Variants in TEX9 observed in about 807,000 individuals in gnomAD.
TEX9 encodes the protein testis expressed 9.
A neutral mutation model predicts 59.6 loss-of-function variants in TEX9; 74 were observed. The observed-to-expected ratio is 1.24, with a 90% CI of 1.03 to 1.51. The LOEUF is 1.51. Among genes scored for constraint, TEX9 ranks in the 40% most tolerant of loss-of-function variants. The pLI, the probability that TEX9 is intolerant of heterozygous loss-of-function variation, is 0.00. For missense variants in TEX9, 522 were observed against 447.8 expected (o/e 1.17, Z -1.49); for synonymous variants, 186 against 152.2 (o/e 1.22, Z -1.64).
chr15:56,402,793 G>C (rs1413343089), intron 9 of TEX9, among the ~76,000 whole-genome samples: 5 of 152,164 alleles, frequency 3.3e-5, no homozygotes, highest in African/African-American at 4.8e-5. Flanking sequence ...ACAAGATCAA[G>C]TCGGCTTCAT....
At chr15:56,378,184 T>C (rs1173929458) in intron 3 of TEX9, among the ~76,000 whole-genome samples, 2 of 148,256 alleles carry the variant, frequency 1.3e-5, no homozygotes, top group Non-Finnish European at 3.1e-5. Context: ...TGTAGTTTTC[T>C]TTTTTTGATG....
chr15:56,253,834 TA>T (rs372352417), intron 1 of TEX9, among the ~76,000 whole-genome samples: 2,102 of 150,870 alleles, frequency 0.014, 52 homozygotes, highest in African/African-American at 0.049. Context: ...GAAAGAACAT[TA>T]AAAAAAAATG....
At chr15:56,326,143 C>T (rs1416837733) in intron 1 of TEX9, among the ~76,000 whole-genome samples, 1 of 152,192 alleles carries the variant, frequency 6.6e-6, no homozygotes, top group Non-Finnish European at 1.5e-5. Flanking sequence ...CCTCTTTTCC[C>T]ACAAGAAATT....
At chr15:56,275,724 A>T (rs114921794) in intron 1 of TEX9, among the ~76,000 whole-genome samples, 2,068 of 152,140 alleles carry the variant, frequency 0.014, 39 homozygotes, top group African/African-American at 0.039. Flanking sequence ...ACATTCCCTT[A>T]TATTACCAAT....
At chr15:56,373,368 C>T (rs1001209935) in intron 2 of TEX9, 73 bp from the exon 3 acceptor site, 359 of 1,390,428 alleles carry the variant, frequency 2.6e-4, no homozygotes, top group Non-Finnish European at 2.9e-4. Flanking sequence ...CACTTGATAA[C>T]GTGTAATTGC....
At chr15:56,399,936 T>C (rs1225496442) in intron 9 of TEX9, among the ~76,000 whole-genome samples, 2 of 149,082 alleles carry the variant, frequency 1.3e-5, no homozygotes, top group Non-Finnish European at 3.0e-5. Context: ...AGGAATAGGA[T>C]CAACATCAAC....
At chr15:56,363,487 C>T (rs1413602989), upstream of TEX9, among the ~76,000 whole-genome samples, 9 of 151,902 alleles carry the variant, frequency 5.9e-5, no homozygotes, top group Non-Finnish European at 1.2e-4. Context: ...TTTTGATTAT[C>T]GCCATTCTAG....
intron 1 of TEX9, among the ~76,000 whole-genome samples, chr15:56,330,420 C>A (rs1216866292): frequency 6.6e-6 from 1 of 151,928 alleles, no homozygotes; most frequent in Non-Finnish European, 1.5e-5. Context: ...TACTCTTATC[C>A]TAAGTAGAAA....
At chr15:56,455,635 G>A in the TEX9 span, among the ~76,000 whole-genome samples, 239 of 152,240 alleles carry the variant, frequency 1.6e-3, 2 homozygotes, top group Middle Eastern at 0.01. Flanking sequence ...CTGTGACAAG[G>A]CTGTTCCTAA....
At chr15:56,335,292 T>G (rs2046237474) in intron 1 of TEX9, among the ~76,000 whole-genome samples, 1 of 152,134 alleles carries the variant, frequency 6.6e-6, no homozygotes, top group Non-Finnish European at 1.5e-5. Flanking sequence ...AATGTACATA[T>G]ACACAATGGA....
Position 56,394,264 on chromosome 15 carries a change from T to G in TEX9, c.654+17T>G, listed in dbSNP as rs746044167. ...AATAAAAAGGTAAGTTTTAAAAACC[T>G]CTTAAAAGGCTCTAATATTCAAAGA... On this transcript the variant is annotated intron_variant, in intron 8 of 12. Transcript: ENST00000352903. 36 of 1,576,180 alleles carry G rather than the reference T, an allele frequency of 2.3e-5. No homozygotes were observed. The highest frequency in any genetic ancestry group is 3.1e-5 in the Non-Finnish European group (36 of 1,159,686).
At chr15:56,341,608 A>G (rs2046373652) in intron 1 of TEX9, among the ~76,000 whole-genome samples, 1 of 152,112 alleles carries the variant, frequency 6.6e-6, no homozygotes, top group Non-Finnish European at 1.5e-5. Flanking sequence ...GGGAAACCCT[A>G]AAAAGAAAGA....
intron 1 of TEX9, among the ~76,000 whole-genome samples, chr15:56,355,183 CTT>C (rs1411936443): frequency 4.6e-5 from 7 of 152,160 alleles, no homozygotes; most frequent in African/African-American, 1.7e-4. Flanking sequence ...TTTTCCATAA[CTT>C]AATATTAGTG....
intron 9 of TEX9, among the ~76,000 whole-genome samples, chr15:56,405,730 A>G (rs1319049363): frequency 6.6e-6 from 1 of 152,140 alleles, no homozygotes; most frequent in Non-Finnish European, 1.5e-5. Context: ...ATATCTCTAT[A>G]CAAACAAATC....
intron 1 of TEX9, among the ~76,000 whole-genome samples, chr15:56,260,074 A>T: frequency 6.6e-6 from 1 of 152,226 alleles, no homozygotes; most frequent in South Asian, 2.1e-4. Context: ...TACAAATACA[A>T]TAGATTTTTA....
intron 9 of TEX9, among the ~76,000 whole-genome samples, chr15:56,400,944 C>T (rs748254675): frequency 1.3e-5 from 2 of 152,092 alleles, no homozygotes; most frequent in Non-Finnish European, 2.9e-5. Context: ...AGATTTTGTT[C>T]ACCACCAGGC....
At chr15:56,395,967 T>G (rs1452099339) in intron 9 of TEX9, 1 of 152,198 alleles carries the variant, frequency 6.6e-6, no homozygotes, top group Non-Finnish European at 1.5e-5. Context: ...AAGTTTTAAA[T>G]TTTGATGAAG....
rs1393179390 is a variant in TEX9, at chr15:56,431,613, T to G, written c.*29+3140T>G. 8 of 910,638 alleles carry G rather than the reference T, an allele frequency of 8.8e-6. No homozygotes were observed. In the South Asian group the frequency reaches 9.0e-5, roughly 10 times the overall value. The allele number at this position is 910,638 out of a possible 1,614,324, so 56.4% of individuals were successfully genotyped here. ...AAAATTGATGAACTATTTATGACACTAAGTTCAAAAGATTCTAGATAATAT... is the reference window on the plus strand; with the variant it reads ...AAAATTGATGAACTATTTATGACACGAAGTTCAAAAGATTCTAGATAATAT... On this transcript the variant is annotated intron_variant, in intron 12 of 12. Coordinates refer to ENST00000352903, the Ensembl canonical transcript of TEX9.
chr15:56,270,530 A>G (rs1445833680), intron 1 of TEX9, among the ~76,000 whole-genome samples: 2 of 151,876 alleles, frequency 1.3e-5, no homozygotes, highest in Admixed American at 6.6e-5. Context: ...TTATTTTGAC[A>G]CTATGTGTGT....
Sources: gnomAD v4.1 joint callset for allele counts (sites outside exome capture counted in the v4.1 genomes callset) on GRCh38, gnomAD v4.1.1 for gene constraint, MANE v1.5 for transcripts, NCBI Gene and HGNC (gene_info 2026-07-23, HGNC 2026-07-21) for gene names.